KCNU1: variants seen among roughly 807,000 people sequenced by gnomAD.
The protein encoded by KCNU1 is potassium calcium-activated channel subfamily U member 1.
A neutral mutation model predicts 126.8 loss-of-function variants in KCNU1; 93 were observed. That is an observed-to-expected ratio of 0.73 (90% CI 0.62 to 0.87). The LOEUF is 0.87. KCNU1 is among the 40% of genes least tolerant of loss of function. The probability of loss-of-function intolerance (pLI) is 0.00; values close to 1 mark genes in which losing one functional copy is unlikely to be tolerated. For synonymous variants in KCNU1, 523 were observed against 494.2 expected (o/e 1.06, Z -0.77); for missense variants, 1,330 against 1,367.1 (o/e 0.97, Z 0.43).
intron 19 of KCNU1, among the ~76,000 whole-genome samples, chr8:36,881,982 C>T (rs1039135189): frequency 6.6e-6 from 1 of 152,120 alleles, no homozygotes; most frequent in Non-Finnish European, 1.5e-5. Context: ...TCCTCATCCC[C>T]AGATCCCTAA....
intron 25 of KCNU1, 22 bp from the exon 26 acceptor site, chr8:36,932,897 AT>A (rs913939529): frequency 1.4e-6 from 2 of 1,380,436 alleles, no homozygotes; most frequent in Non-Finnish European, 2.0e-6. Flanking sequence ...CAGCAGACAT[AT>A]TTTTGTCTCT....
Position 36,836,168 on chromosome 8 carries a change from A to C in KCNU1, c.1296-128A>C. ...AAACATTTTTAGAAAACAACACAAC[A>C]ATAAACTTTATTATATGCCAAGTTT... On this transcript the variant is annotated intron_variant, in intron 12 of 26. Transcript: ENST00000399881. The C allele has an allele frequency of 4.9e-6, 3 of 608,624 alleles. No homozygotes were observed. The Admixed American group carries it at 8.8e-5, about 18-fold the overall frequency. 37.7% of individuals were successfully genotyped at this position (608,624 alleles called of 1,614,324 possible).
At chr8:36,906,507 A>T (rs147699981) in intron 20 of KCNU1, among the ~76,000 whole-genome samples, 2 of 152,306 alleles carry the variant, frequency 1.3e-5, no homozygotes, top group African/African-American at 4.8e-5. Flanking sequence ...TGGAAACTCA[A>T]GTATAATCTT....
At chr8:36,893,562 TGGCTGCTA>T (rs1807062799) in intron 19 of KCNU1, among the ~76,000 whole-genome samples, 1 of 152,036 alleles carries the variant, frequency 6.6e-6, no homozygotes, top group African/African-American at 2.4e-5. Context: ...TTCTCTCTGG[TGGCTGCTA>T]GACTGCTGGT....
chr8:36,908,774 C>A (rs1025706131), intron 20 of KCNU1, among the ~76,000 whole-genome samples: 4 of 151,900 alleles, frequency 2.6e-5, no homozygotes, highest in Non-Finnish European at 5.9e-5. Flanking sequence ...TATGAAATTG[C>A]CATTGTTCAA....
rs765910136 is a variant in KCNU1 at position 36,790,306 on chromosome 8, A to G, written c.315+2881A>G. Among the ~76,000 whole-genome samples, 20 of 152,196 alleles carry G rather than the reference A, an allele frequency of 1.3e-4. 1 individual carries two copies. The highest frequency in any genetic ancestry group is 2.5e-4 in the Non-Finnish European group (17 of 68,034). ...AAACATTAAAAAGTTATTTTGATAA[A>G]TGAAAAATAATTAAAATTAGTGAAC... On this transcript the variant is annotated intron_variant, in intron 2 of 26. Transcript: ENST00000399881.
At chr8:36,874,303 AT>A (rs536294204) in intron 19 of KCNU1, among the ~76,000 whole-genome samples, 1 of 151,886 alleles carries the variant, frequency 6.6e-6, no homozygotes, top group Non-Finnish European at 1.5e-5. Context: ...TGTGGAAATC[AT>A]TTTTTTTCCT....
At chr8:36,821,723 A>G (rs1804132682) in intron 10 of KCNU1, among the ~76,000 whole-genome samples, 1 of 152,142 alleles carries the variant, frequency 6.6e-6, no homozygotes, top group Non-Finnish European at 1.5e-5. Context: ...GACTTAAAAC[A>G]ATTTTTTTTT....
intron 21 of KCNU1, among the ~76,000 whole-genome samples, chr8:36,910,181 T>C (rs545396207): frequency 6.6e-6 from 1 of 152,300 alleles, no homozygotes; most frequent in Admixed American, 6.5e-5. Context: ...CACCAAAGCA[T>C]TTTCATAATG....
At chr8:36,803,686 A>C (rs1563264298) in intron 2 of KCNU1, among the ~76,000 whole-genome samples, 1 of 152,344 alleles carries the variant, frequency 6.6e-6, no homozygotes, top group East Asian at 1.9e-4. Flanking sequence ...ATGTTTGATG[A>C]GTGAATAAGT....
At chr8:36,869,818 C>G (rs1194105711) in intron 19 of KCNU1, among the ~76,000 whole-genome samples, 1 of 152,112 alleles carries the variant, frequency 6.6e-6, no homozygotes, top group Non-Finnish European at 1.5e-5. Context: ...TTTCCTGTCA[C>G]CCTCTGCCGT....
rs1189903198 is a variant in KCNU1 at position 36,802,473 on chromosome 8, C to G, written c.316-1554C>G. Among the ~76,000 whole-genome samples the G allele has an allele frequency of 2.0e-5, 3 of 152,136 alleles. No individual in the cohort carries two copies. The East Asian group carries it at 5.8e-4, about 29-fold the overall frequency. ...AGTTGCCACCCAGGACATAATCTGTCCCTTCCAGTGTTTGTTGGAACAAAG... is the reference window on the plus strand; with the variant it reads ...AGTTGCCACCCAGGACATAATCTGTGCCTTCCAGTGTTTGTTGGAACAAAG... On this transcript the variant is annotated intron_variant, in intron 2 of 26. Transcript: ENST00000399881.
chr8:36,887,229 T>C (rs1806740752), intron 19 of KCNU1, among the ~76,000 whole-genome samples: 1 of 152,148 alleles, frequency 6.6e-6, no homozygotes, highest in Admixed American at 6.6e-5. Context: ...TCCACACTGT[T>C]TTCCATACAG....
At position 36,826,303 on chromosome 8, in the gene KCNU1, G is replaced by A. The variant is rs567689394; in HGVS notation, c.1107-7251G>A. ...TGGCTCACTGCAACCTCTGCCTCCC[G>A]GGTTCAAGTGATTCTCCTGCCTCAG... On this transcript the variant is annotated intron_variant, in intron 10 of 26. Coordinates refer to ENST00000399881, the MANE Select transcript of KCNU1 (RefSeq NM_001031836.3). 7.6e-4 allele frequency among the ~76,000 whole-genome samples: 115 copies of A among 151,872 alleles called. No homozygotes were observed. In the Middle Eastern group the frequency reaches 0.01, roughly 14 times the overall value.
intron 22 of KCNU1, among the ~76,000 whole-genome samples, chr8:36,913,790 A>T (rs1198130873): frequency 2.0e-5 from 3 of 151,690 alleles, no homozygotes; most frequent in African/African-American, 7.3e-5. Flanking sequence ...TTTAGTAGAG[A>T]CGGGGTTTCA....
At chr8:36,802,514 C>G (rs1330848294) in intron 2 of KCNU1, among the ~76,000 whole-genome samples, 1 of 152,122 alleles carries the variant, frequency 6.6e-6, no homozygotes, top group Non-Finnish European at 1.5e-5. Context: ...TTAAGAGTTT[C>G]CATGTGCCAG....
chr8:36,875,758 C>T (rs1806258595), intron 19 of KCNU1, among the ~76,000 whole-genome samples: 5 of 152,052 alleles, frequency 3.3e-5, no homozygotes, highest in Admixed American at 1.3e-4. Context: ...TGCAGATTAG[C>T]TAGCTTTGCT....
chr8:36,902,324 G>A (rs1467111481), intron 19 of KCNU1, among the ~76,000 whole-genome samples: 1 of 152,122 alleles, frequency 6.6e-6, no homozygotes, highest in Non-Finnish European at 1.5e-5. Flanking sequence ...CCTATTCTGA[G>A]TCATGTTAAA....
At chr8:36,812,456 TATCACTACAGACTAGAA>T (rs1301787364) in intron 7 of KCNU1, among the ~76,000 whole-genome samples, 1 of 151,782 alleles carries the variant, frequency 6.6e-6, no homozygotes, top group Admixed American at 6.6e-5. Context: ...CCAAGGTAAT[TATCACTACAGACTAGAA>T]TGTAGATGCA....
Sources: allele counts gnomAD v4.1 joint callset (sites outside exome capture counted in the v4.1 genomes callset), GRCh38; gene constraint gnomAD v4.1.1; transcripts MANE v1.5; gene names NCBI Gene and HGNC (gene_info 2026-07-23, HGNC 2026-07-21).